Variants in HNRNPH2 observed in about 807,000 individuals in gnomAD.
The protein encoded by HNRNPH2 is FTP-3.
For missense variants in HNRNPH2, 115 were observed against 352.9 expected, an observed-to-expected ratio of 0.33 and a Z score of 5.40; for synonymous variants, 128 against 128.2, an observed-to-expected ratio of 1.00 and a Z score of 0.01.
In HNRNPH2 at chrX:101,411,957, C is replaced by T; in HGVS notation, c.-32C>T. On this transcript the variant is annotated 5_prime_UTR_variant, in exon 2 of 2. Transcript: ENST00000316594. ...TCAGCTACACCAAAATTGCATTGAG[C>T]CAAACTTGCCACCAAGAGCCCAACA... is the stretch of plus-strand genomic sequence containing the variant. 1.7e-5 allele frequency: 20 copies of T among 1,158,479 alleles called. No homozygotes were observed. Among genetic ancestry groups the T allele is most frequent in the Non-Finnish European group, 2.2e-5 (19 of 872,904 alleles).
At position 101,408,323 on chromosome X, in the gene HNRNPH2, G is replaced by T; in HGVS notation, c.-54+4G>T. On this transcript the variant is annotated splice_donor_region_variant and intron_variant, in intron 1 of 1. Coordinates refer to ENST00000316594, the MANE Select transcript of HNRNPH2 (RefSeq NM_019597.5). ...AAATTACCCGGTATCGTTAGAGGTTGGTGTGTGGGTGGGAACTGGGGACCC... is the reference window on the plus strand; with the variant it reads ...AAATTACCCGGTATCGTTAGAGGTTTGTGTGTGGGTGGGAACTGGGGACCC... The T allele has an allele frequency of 4.6e-6, 1 of 219,273 alleles. No individual in the cohort carries two copies. The highest frequency in any genetic ancestry group is 8.5e-6 in the Non-Finnish European group (1 of 117,955). The allele number at this position is 219,273 out of a possible 1,213,427, so 18.1% of individuals were successfully genotyped here.
At position 101,412,615 on chromosome X, in the gene HNRNPH2, C is replaced by G; in HGVS notation, c.627C>G (p.Pro209=). Residue 209 remains proline (P), a synonymous_variant, in exon 2 of 2, where the codon CCC becomes CCG. Transcript: ENST00000316594. ...TCATGGCTATGCAGCGGCCAGGTCC[C>G]TATGATAGGCCGGGGGCTGGCAGAG... is the stretch of plus-strand genomic sequence containing the variant. The part of the protein sequence containing the change: ...RKLMAMQRPG[P]YDRPGAGRGY... The G allele has an allele frequency of 8.3e-7, 1 of 1,211,818 alleles. No individual in the cohort carries two copies. Among genetic ancestry groups the G allele is most frequent in the Non-Finnish European group, 1.1e-6 (1 of 895,317 alleles).
chrX:101,412,942 T>C lies in HNRNPH2; in HGVS notation c.954T>C (p.His318=). 8.3e-7 allele frequency: 1 copy of C among 1,210,734 alleles called. No homozygotes were observed. Among genetic ancestry groups the C allele is most frequent in the African/African-American group, 1.7e-5 (1 of 57,725 alleles). ...FFSPLNPMRV[H]IEIGPDGRVT... ...CACCTCTTAATCCCATGAGAGTACA[T>C]ATTGAAATTGGACCCGATGGCAGAG... The change falls in exon 2 of 2, where the codon CAT becomes CAC. Residue 318 remains histidine (H), a synonymous_variant. Transcript: ENST00000316594.
Position 101,413,095 on chromosome X carries a change from G to A in HNRNPH2, c.1107G>A (p.Gly369=), listed in dbSNP as rs1555988523. 2 of 1,211,671 alleles carry A rather than the reference G, an allele frequency of 1.7e-6. No individual in the cohort carries two copies. Among genetic ancestry groups the A allele is most frequent in the Non-Finnish European group, 2.2e-6 (2 of 895,398 alleles). The change falls in exon 2 of 2, where the codon GGG becomes GGA. Residue 369 remains glycine (G), a synonymous_variant. Coordinates refer to ENST00000316594, the MANE Select transcript of HNRNPH2 (RefSeq NM_019597.5). ...LFLNSTAGTS[G]GAYDHSYVEL... ...TAAATTCTACTGCAGGAACAAGTGG[G>A]GGTGCTTACGATCACAGCTATGTAG... is the stretch of plus-strand genomic sequence containing the variant.
At chrX:101,409,147 CA>C (rs58205291) in intron 1 of HNRNPH2, among the ~76,000 whole-genome samples, 18,667 of 57,141 alleles carry the variant, frequency 0.33, 2,200 homozygotes, top group African/African-American at 0.5. Context: ...ATAAGGCAAG[CA>C]AAAAAAAAAA....
intron 1 of HNRNPH2, among the ~76,000 whole-genome samples, chrX:101,409,147 CAAAAAAAAA>C (rs58205291): frequency 1.7e-5 from 1 of 57,420 alleles, no homozygotes; most frequent in African/African-American, 4.9e-5. Flanking sequence ...ATAAGGCAAG[CAAAAAAAAA>C]AAAAAAAATC....
chrX:101,411,138 T>C (rs59876333), intron 1 of HNRNPH2, among the ~76,000 whole-genome samples: 2 of 111,913 alleles, frequency 1.8e-5, no homozygotes, highest in African/African-American at 6.5e-5. Flanking sequence ...ACATGGCAAC[T>C]AAAAAATGTT....
intron 1 of HNRNPH2, among the ~76,000 whole-genome samples, chrX:101,409,949 C>T (rs1555987861): frequency 9.0e-6 from 1 of 111,441 alleles, no homozygotes; most frequent in African/African-American, 3.3e-5. Flanking sequence ...CAATTTTCTG[C>T]CATTACTAAC....
intron 1 of HNRNPH2, among the ~76,000 whole-genome samples, chrX:101,409,606 A>G (rs991242286): frequency 2.7e-5 from 3 of 112,199 alleles, no homozygotes; most frequent in African/African-American, 9.7e-5. Flanking sequence ...ACTTAAAAAG[A>G]AAAAATCCCA....
chrX:101,410,834 C>T (rs1555988006), intron 1 of HNRNPH2, among the ~76,000 whole-genome samples: 3 of 111,314 alleles, frequency 2.7e-5, no homozygotes. Flanking sequence ...TATGCCTTGC[C>T]AGTCTTTTCA....
chrX:101,408,866 A>G (rs1928664747), intron 1 of HNRNPH2, among the ~76,000 whole-genome samples: 1 of 112,586 alleles, frequency 8.9e-6, no homozygotes, highest in South Asian at 3.7e-4. Context: ...AAAAATAACA[A>G]TATAGTATAA....
chrX:101,411,161 G>A (rs782322799), intron 1 of HNRNPH2, among the ~76,000 whole-genome samples: 1 of 111,682 alleles, frequency 9.0e-6, no homozygotes, highest in African/African-American at 3.2e-5. Context: ...TAAAATGAAT[G>A]TGTGAATTCC....
At chrX:101,411,705 G>A (rs1481190959) in intron 1 of HNRNPH2, among the ~76,000 whole-genome samples, 2 of 110,434 alleles carry the variant, frequency 1.8e-5, no homozygotes, top group Admixed American at 9.7e-5. Context: ...GTGAGCCACC[G>A]CACCCGGCCG....
In HNRNPH2 at chrX:101,412,325, G is replaced by A. The variant is rs1928835128; in HGVS notation, c.337G>A (p.Val113Ile). Reference sequence around the variant, plus strand: ...CCCTGATACTGCCAACGATGGCTTCGTCCGGCTTAGAGGACTCCCATTTGG... The same window carrying A: ...CCCTGATACTGCCAACGATGGCTTCATCCGGCTTAGAGGACTCCCATTTGG... Reference protein sequence around the residue: ...NSPDTANDGFVRLRGLPFGCS... With the variant: ...NSPDTANDGFIRLRGLPFGCS... Residue 113 changes from valine to isoleucine, a missense_variant, in exon 2 of 2, where the codon GTC (valine) becomes ATC (isoleucine). Val to Ile is a conservative substitution (Grantham distance 29, BLOSUM62 3). Transcript: ENST00000316594. The A allele has an allele frequency of 1.7e-6, 2 of 1,211,404 alleles. No individual in the cohort carries two copies. The highest frequency in any genetic ancestry group is 2.2e-6 in the Non-Finnish European group (2 of 895,169).
intron 1 of HNRNPH2, among the ~76,000 whole-genome samples, chrX:101,411,704 C>T (rs914291197): frequency 1.0e-4 from 11 of 110,452 alleles, no homozygotes; most frequent in East Asian, 8.5e-4. Context: ...CGTGAGCCAC[C>T]GCACCCGGCC....
Position 101,412,018 on chromosome X carries a change from G to A in HNRNPH2, c.30G>A (p.Gly10=). The change falls in exon 2 of 2, where the codon GGG becomes GGA. Residue 10 remains glycine (G), a synonymous_variant. Transcript: ENST00000316594. ...TGCTGAGCACGGAAGGCAGGGAGGG[G>A]TTCGTGGTGAAGGTCAGGGGCCTAC... MMLSTEGRE[G]FVVKVRGLPW... is the part of the protein sequence containing the mutation. 8.3e-7 allele frequency: 1 copy of A among 1,209,988 alleles called. No homozygotes were observed. The highest frequency in any genetic ancestry group is 1.1e-6 in the Non-Finnish European group (1 of 895,076).
chrX:101,412,896 A>G lies in HNRNPH2; in HGVS notation c.908A>G (p.Asn303Ser). 8.3e-7 allele frequency: 1 copy of G among 1,208,858 alleles called. No individual in the cohort carries two copies. The highest frequency in any genetic ancestry group is 1.1e-6 in the Non-Finnish European group (1 of 892,939). ...GGGTTACCTTACAGAGCCACTGAGA[A>G]TGATATTTATAATTTCTTCTCACCT... ...MRGLPYRATENDIYNFFSPLN... is the reference protein window; with the variant it reads ...MRGLPYRATESDIYNFFSPLN... The change falls in exon 2 of 2, where the codon AAT (asparagine) becomes AGT (serine). Residue 303 changes from asparagine (N) to serine (S), a missense_variant. Coordinates refer to ENST00000316594, the MANE Select transcript of HNRNPH2 (RefSeq NM_019597.5).
chrX:101,409,521 A>G (rs782761873), intron 1 of HNRNPH2, among the ~76,000 whole-genome samples: 2 of 112,575 alleles, frequency 1.8e-5, no homozygotes, highest in Admixed American at 9.4e-5. Flanking sequence ...TTAAGGCTGC[A>G]TAAAAAAATT....
chrX:101,412,888 C>T lies in HNRNPH2; in HGVS notation c.900C>T (p.Ala300=). 1 of 1,208,371 alleles carries T rather than the reference C, an allele frequency of 8.3e-7. No homozygotes were observed. The highest frequency in any genetic ancestry group is 1.1e-6 in the Non-Finnish European group (1 of 892,619). ...ACATGAGGGGGTTACCTTACAGAGC[C>T]ACTGAGAATGATATTTATAATTTCT... ...CVHMRGLPYR[A]TENDIYNFFS... Residue 300 remains alanine (A), a synonymous_variant, in exon 2 of 2, where the codon GCC becomes GCT. Transcript: ENST00000316594.
Sources: allele counts gnomAD v4.1 joint callset (sites outside exome capture counted in the v4.1 genomes callset), GRCh38; gene constraint gnomAD v4.1.1; transcripts MANE v1.5; gene names NCBI Gene and HGNC (gene_info 2026-07-23, HGNC 2026-07-21).